Variants in TRAPPC9 observed in about 807,000 individuals in gnomAD.
TRAPPC9 encodes IKK2 binding protein.
A neutral mutation model predicts 124.0 loss-of-function variants in TRAPPC9; 83 were observed. The ratio of observed to expected loss-of-function variants is 0.67; its 90% CI spans 0.56 to 0.80. The LOEUF (loss-of-function observed/expected upper bound fraction) is 0.80. Ranked by LOEUF, TRAPPC9 falls within the 30% of genes least tolerant of loss-of-function variation. The probability of loss-of-function intolerance (pLI) is 0.00; values close to 1 mark genes in which losing one functional copy is unlikely to be tolerated. For synonymous variants in TRAPPC9, 638 were observed against 617.5 expected (o/e 1.03, Z -0.49); for missense variants, 1,302 against 1,508.3 (o/e 0.86, Z 2.27).
At chr8:140,165,168 C>T (rs1251748155) in intron 17 of TRAPPC9, among the ~76,000 whole-genome samples, 2 of 152,046 alleles carry the variant, frequency 1.3e-5, no homozygotes, top group South Asian at 2.1e-4. Flanking sequence ...CTGAATGAAA[C>T]CCCGTCTCTA....
chr8:140,394,438 A>C (rs1248293673), intron 7 of TRAPPC9, among the ~76,000 whole-genome samples: 1 of 152,232 alleles, frequency 6.6e-6, no homozygotes, highest in East Asian at 1.9e-4. Flanking sequence ...TCCAGTGACC[A>C]CATGAACTTG....
At chr8:139,792,163 C>T (rs1016272173) in intron 21 of TRAPPC9, among the ~76,000 whole-genome samples, 1 of 152,172 alleles carries the variant, frequency 6.6e-6, no homozygotes, top group Non-Finnish European at 1.5e-5. Context: ...GCACAGTCCC[C>T]CATTCCTGTC....
intron 17 of TRAPPC9, among the ~76,000 whole-genome samples, chr8:140,195,448 G>A (rs1275296758): frequency 6.7e-5 from 10 of 150,306 alleles, no homozygotes; most frequent in Middle Eastern, 3.6e-3. Context: ...ACAATCCACC[G>A]TACAGCTCGC....
intron 17 of TRAPPC9, among the ~76,000 whole-genome samples, chr8:140,190,654 A>G (rs2062470273): frequency 6.6e-6 from 1 of 152,380 alleles, no homozygotes; most frequent in South Asian, 2.1e-4. Flanking sequence ...GGAGGCTGCA[A>G]AGAGAAAGAG....
At chr8:140,102,744 A>C (rs1305116066) in intron 17 of TRAPPC9, among the ~76,000 whole-genome samples, 1 of 152,242 alleles carries the variant, frequency 6.6e-6, no homozygotes, top group Admixed American at 6.5e-5. Context: ...GCAAAGGCCA[A>C]CAAGAATGGC....
At chr8:140,072,593 AAGGAGGAGGAGGAGGAGGAGGAGG>A (rs139221264) in intron 17 of TRAPPC9, among the ~76,000 whole-genome samples, 18 of 141,248 alleles carry the variant, frequency 1.3e-4, no homozygotes, top group Admixed American at 7.1e-4. Flanking sequence ...AGGAGAAGGG[AAGGAGGAGGAGGAGGAGGAGGAGG>A]AGGAGGAGCG....
chr8:139,730,865 T>TG lies in TRAPPC9; in HGVS notation c.*195dup. The TG allele has an allele frequency of 1.6e-6, 1 of 613,422 alleles. No homozygotes were observed. Among genetic ancestry groups the TG allele is most frequent in the Non-Finnish European group, 2.8e-6 (1 of 354,946 alleles). The allele number at this position is 613,422 out of a possible 1,614,324, so 38.0% of individuals were successfully genotyped here. On this transcript the variant is annotated 3_prime_UTR_variant, in exon 23 of 23. Coordinates refer to ENST00000438773, the MANE Select transcript of TRAPPC9 (RefSeq NM_001160372.4). ...GTGTAGGAAGGGGCGTGGCATGGGG[T>TG]GGGGCTGCCATGTCCGGGGCTTCTG...
At chr8:139,735,089 A>C (rs933586511) in intron 21 of TRAPPC9, among the ~76,000 whole-genome samples, 3 of 152,324 alleles carry the variant, frequency 2.0e-5, no homozygotes, top group Non-Finnish European at 2.9e-5. Flanking sequence ...AGCAGACAGC[A>C]TCAAGACGGG....
In TRAPPC9 at chr8:140,381,481, C is replaced by T. The variant is rs552836908; in HGVS notation, c.1135-10301G>A. Among the ~76,000 whole-genome samples, 12 of 151,920 alleles carry T rather than the reference C, an allele frequency of 7.9e-5. No individual in the cohort carries two copies. The South Asian group carries it at 2.5e-3, about 32-fold the overall frequency. Reference sequence around the variant, plus strand: ...AGGAGATCGAGTCCATCTTGGCCAACATGGTGAAACCCCATCTCTATTAAA... The same window carrying T: ...AGGAGATCGAGTCCATCTTGGCCAATATGGTGAAACCCCATCTCTATTAAA... On this transcript the variant is annotated intron_variant, in intron 7 of 22. Coordinates refer to ENST00000438773, the MANE Select transcript of TRAPPC9 (RefSeq NM_001160372.4).
At chr8:140,111,982 G>A (rs548525544) in intron 17 of TRAPPC9, among the ~76,000 whole-genome samples, 22 of 152,396 alleles carry the variant, frequency 1.4e-4, no homozygotes, top group Admixed American at 8.5e-4. Flanking sequence ...GCAGGACTTG[G>A]TGGTATGTTT....
At chr8:140,341,440 G>T (rs1173512406) in intron 9 of TRAPPC9, among the ~76,000 whole-genome samples, 1 of 152,146 alleles carries the variant, frequency 6.6e-6, no homozygotes, top group African/African-American at 2.4e-5. Flanking sequence ...CAACCAATCA[G>T]AACTCAGCAA....
At chr8:139,846,711 C>T (rs1177489912) in intron 21 of TRAPPC9, among the ~76,000 whole-genome samples, 1 of 152,204 alleles carries the variant, frequency 6.6e-6, no homozygotes, top group Non-Finnish European at 1.5e-5. Flanking sequence ...GACGCGAGGC[C>T]ATCCCGGAGT....
intron 19 of TRAPPC9, among the ~76,000 whole-genome samples, chr8:139,920,476 G>A (rs1168827275): frequency 6.6e-6 from 1 of 152,242 alleles, no homozygotes; most frequent in African/African-American, 2.4e-5. Flanking sequence ...CCCTGTCCCT[G>A]AGCCTCCCTC....
At chr8:140,443,236 C>G (rs79915922) in intron 2 of TRAPPC9, among the ~76,000 whole-genome samples, 22 of 148,136 alleles carry the variant, frequency 1.5e-4, no homozygotes, top group Admixed American at 3.4e-4. Flanking sequence ...GAGATCGAGA[C>G]CATCCTGGCT....
chr8:140,388,011 A>G (rs112598433), intron 7 of TRAPPC9, among the ~76,000 whole-genome samples: 9,600 of 152,062 alleles, frequency 0.063, 778 homozygotes, highest in African/African-American at 0.19. Context: ...TAAGAAATGT[A>G]GCACATGTAC....
intron 19 of TRAPPC9, among the ~76,000 whole-genome samples, chr8:139,945,518 T>C (rs1834149573): frequency 8.6e-6 from 1 of 116,926 alleles, no homozygotes; most frequent in Admixed American, 1.2e-4. Flanking sequence ...AAGATCCTGC[T>C]CTCCACAATT....
intron 17 of TRAPPC9, among the ~76,000 whole-genome samples, chr8:140,037,766 AAAAC>A (rs1369020119): frequency 5.4e-5 from 8 of 147,176 alleles, no homozygotes; most frequent in Admixed American, 5.4e-4. Context: ...ACACACACCC[AAAAC>A]ACACACAGAC....
intron 21 of TRAPPC9, among the ~76,000 whole-genome samples, chr8:139,746,265 C>A (rs1472893341): frequency 6.6e-6 from 1 of 152,220 alleles, no homozygotes; most frequent in African/African-American, 2.4e-5. Context: ...GAAGCCATCG[C>A]GTTTCCTCCT....
At chr8:139,854,920 C>A (rs1413203770) in intron 21 of TRAPPC9, among the ~76,000 whole-genome samples, 1 of 152,206 alleles carries the variant, frequency 6.6e-6, no homozygotes, top group Non-Finnish European at 1.5e-5. Context: ...CCTGGCTACC[C>A]CCTTCCTGGC....
Sources: allele counts gnomAD v4.1 joint callset (sites outside exome capture counted in the v4.1 genomes callset), GRCh38; gene constraint gnomAD v4.1.1; transcripts MANE v1.5; gene names NCBI Gene and HGNC (gene_info 2026-07-23, HGNC 2026-07-21).